Variants in CABCOCO1 observed in about 807,000 individuals in gnomAD.
The protein encoded by CABCOCO1 is ciliary associated calcium binding coiled-coil 1.
A neutral mutation model predicts 35.7 loss-of-function variants in CABCOCO1; 28 were observed. That is an observed-to-expected ratio of 0.78 (90% CI 0.58 to 1.07). The LOEUF (loss-of-function observed/expected upper bound fraction) is 1.07. Ranked by LOEUF, CABCOCO1 falls within the 50% of genes least tolerant of loss-of-function variation. The pLI, the probability that CABCOCO1 is intolerant of heterozygous loss-of-function variation, is 0.00. For synonymous variants in CABCOCO1, 95 were observed against 100.1 expected, an observed-to-expected ratio of 0.95 and a Z score of 0.30; for missense variants, 326 against 309.2, an observed-to-expected ratio of 1.05 and a Z score of -0.41.
chr10:61,749,719 T>A (rs1841739941), intron 5 of CABCOCO1, among the ~76,000 whole-genome samples: 1 of 152,226 alleles, frequency 6.6e-6, no homozygotes, highest in Admixed American at 6.5e-5. Context: ...CCCTTCCCCC[T>A]AAAGTTAGGT....
Position 61,760,913 on chromosome 10 carries a change from C to T in CABCOCO1, c.726C>T (p.Thr242=), listed in dbSNP as rs767532516. 39 of 1,612,544 alleles carry T rather than the reference C, an allele frequency of 2.4e-5. No individual in the cohort carries two copies. The highest frequency in any genetic ancestry group is 3.1e-5 in the Non-Finnish European group (36 of 1,179,096). The part of the protein sequence containing the change: ...GPEESQPETD[T]SDMDPLVGFT... Reference sequence around the variant, plus strand: ...AGGAGTCTCAGCCAGAAACTGACACCTCAGACATGGATCCTTTAGTTGGTT... The same window carrying T: ...AGGAGTCTCAGCCAGAAACTGACACTTCAGACATGGATCCTTTAGTTGGTT... Residue 242 remains threonine (T), a synonymous_variant, in exon 7 of 8, where the codon ACC becomes ACT. Coordinates refer to ENST00000648843, the MANE Select transcript of CABCOCO1 (RefSeq NM_001366906.2).
At chr10:61,687,048 C>G (rs867969203) in intron 4 of CABCOCO1, among the ~76,000 whole-genome samples, 1 of 152,144 alleles carries the variant, frequency 6.6e-6, no homozygotes, top group Non-Finnish European at 1.5e-5. Flanking sequence ...ATATCTTAGA[C>G]ATGCTCATGA....
intron 5 of CABCOCO1, among the ~76,000 whole-genome samples, chr10:61,697,980 A>G (rs903618078): frequency 1.3e-5 from 2 of 152,050 alleles, no homozygotes; most frequent in African/African-American, 4.8e-5. Flanking sequence ...AACATCCCAA[A>G]TTTTCCCCAA....
intron 2 of CABCOCO1, among the ~76,000 whole-genome samples, chr10:61,674,890 A>T (rs12778737): frequency 0.13 from 19,658 of 151,946 alleles, 1,558 homozygotes; most frequent in East Asian, 0.23. Flanking sequence ...AATTTTTTTT[A>T]AAAAAGAATA....
intron 5 of CABCOCO1, among the ~76,000 whole-genome samples, chr10:61,719,664 G>A (rs150592156): frequency 2.0e-5 from 3 of 152,132 alleles, no homozygotes; most frequent in Admixed American, 6.5e-5. Flanking sequence ...GCTCATGCCT[G>A]TAATCCCACC....
intron 5 of CABCOCO1, among the ~76,000 whole-genome samples, chr10:61,699,525 G>C (rs556792117): frequency 6.6e-6 from 1 of 152,070 alleles, no homozygotes; most frequent in Non-Finnish European, 1.5e-5. Flanking sequence ...CGTAATTACA[G>C]CTTGCTCATT....
intron 5 of CABCOCO1, among the ~76,000 whole-genome samples, chr10:61,716,086 C>A (rs192944575): frequency 2.0e-5 from 3 of 152,010 alleles, no homozygotes; most frequent in East Asian, 3.9e-4. Flanking sequence ...AACTTCCCAG[C>A]CTAAATTGCT....
At chr10:61,713,263 T>C (rs1027457628) in intron 5 of CABCOCO1, among the ~76,000 whole-genome samples, 1 of 152,164 alleles carries the variant, frequency 6.6e-6, no homozygotes, top group Non-Finnish European at 1.5e-5. Context: ...ATCCTCTTTG[T>C]AGCAATTGTG....
At chr10:61,696,251 G>A (rs61850476) in intron 5 of CABCOCO1, among the ~76,000 whole-genome samples, 1,909 of 152,002 alleles carry the variant, frequency 0.013, 15 homozygotes, top group Middle Eastern at 0.037. Context: ...TATATCCTTG[G>A]GGGAAGCATT....
At chr10:61,723,285 T>A (rs1841066781) in intron 5 of CABCOCO1, among the ~76,000 whole-genome samples, 1 of 152,226 alleles carries the variant, frequency 6.6e-6, no homozygotes, top group Non-Finnish European at 1.5e-5. Context: ...TTTAATATTC[T>A]CACACATTAC....
intron 5 of CABCOCO1, among the ~76,000 whole-genome samples, chr10:61,737,575 C>G (rs2132062445): frequency 6.6e-6 from 1 of 152,218 alleles, no homozygotes; most frequent in African/African-American, 2.4e-5. Flanking sequence ...CAATGACAGA[C>G]TGGATAAAGG....
At chr10:61,721,035 C>T (rs951938095) in intron 5 of CABCOCO1, among the ~76,000 whole-genome samples, 3 of 148,268 alleles carry the variant, frequency 2.0e-5, no homozygotes, top group African/African-American at 7.4e-5. Context: ...CGCCATTCTC[C>T]CGCCTCAGCC....
chr10:61,682,889 C>CTTTCTTTTT (rs1554821781), intron 3 of CABCOCO1, among the ~76,000 whole-genome samples: 2 of 128,182 alleles, frequency 1.6e-5, no homozygotes, highest in South Asian at 2.5e-4. Flanking sequence ...ACATGAATTT[C>CTTTCTTTTT]TTTTTTTTTT....
At chr10:61,689,674 G>A (rs1840074501) in intron 4 of CABCOCO1, among the ~76,000 whole-genome samples, 1 of 152,124 alleles carries the variant, frequency 6.6e-6, no homozygotes. Flanking sequence ...AATAGCAAAA[G>A]GCACCAGAGT....
At chr10:61,751,508 C>T (rs1286922332) in intron 5 of CABCOCO1, among the ~76,000 whole-genome samples, 1 of 152,052 alleles carries the variant, frequency 6.6e-6, no homozygotes, top group East Asian at 1.9e-4. Context: ...GTGATGCCAC[C>T]AAACGATAAA....
At chr10:61,673,197 T>C (rs2131957262) in intron 2 of CABCOCO1, among the ~76,000 whole-genome samples, 1 of 152,352 alleles carries the variant, frequency 6.6e-6, no homozygotes, top group South Asian at 2.1e-4. Context: ...CTATACTAAG[T>C]ACTCTGATTG....
intron 2 of CABCOCO1, among the ~76,000 whole-genome samples, chr10:61,675,617 C>T (rs1051357664): frequency 2.0e-5 from 3 of 152,092 alleles, no homozygotes; most frequent in Admixed American, 6.5e-5. Context: ...ACGTAGTGTG[C>T]AGATGGCAGA....
intron 5 of CABCOCO1, among the ~76,000 whole-genome samples, chr10:61,729,048 G>A (rs1269241447): frequency 6.6e-6 from 1 of 152,146 alleles, no homozygotes; most frequent in East Asian, 1.9e-4. Context: ...TAAGGGGGAA[G>A]ACTAGAATAA....
chr10:61,755,945 G>A (rs996863993), intron 5 of CABCOCO1, among the ~76,000 whole-genome samples: 5 of 151,966 alleles, frequency 3.3e-5, no homozygotes, highest in South Asian at 2.1e-4. Flanking sequence ...AACTGACTCT[G>A]TACTTTGTTC....
Sources: allele counts gnomAD v4.1 joint callset (sites outside exome capture counted in the v4.1 genomes callset), GRCh38; gene constraint gnomAD v4.1.1; transcripts MANE v1.5; gene names NCBI Gene and HGNC (gene_info 2026-07-23, HGNC 2026-07-21).